The following MYO5B variants were observed in gnomAD, a reference collection of about 807,000 sequenced individuals.
MYO5B encodes the protein myosin VB, also known as unconventional myosin-Vb.
A neutral mutation model predicts 229.3 loss-of-function variants in MYO5B; 143 were observed. The observed-to-expected ratio is 0.62, with a 90% confidence interval of 0.54 to 0.72. MYO5B has a LOEUF of 0.72. MYO5B is among the 30% of genes least tolerant of loss of function. The pLI, the probability that MYO5B is intolerant of heterozygous loss-of-function variation, is 0.00. For synonymous variants in MYO5B, 918 were observed against 885.2 expected, an observed-to-expected ratio of 1.04 and a Z score of -0.66; for missense variants, 2,321 against 2,331.0, an observed-to-expected ratio of 1.00 and a Z score of 0.09.
At chr18:49,963,054 A>C in intron 10 of MYO5B, 24 bp from the exon 11 acceptor site, 1 of 1,596,200 alleles carries the variant, frequency 6.3e-7, no homozygotes, top group East Asian at 2.2e-5. Context: ...AGAGAAGATA[A>C]GAGACGTCTC....
chr18:49,871,787 C>A (rs1340074077), intron 27 of MYO5B: 1 of 313,402 alleles, frequency 3.2e-6, no homozygotes, highest in Non-Finnish European at 6.2e-6. Flanking sequence ...GTGCATTCCT[C>A]CCTGCCATGG....
chr18:49,841,603 G>GCACAC (rs2024058569), intron 34 of MYO5B, 149 bp from the exon 35 acceptor site: 1 of 733,826 alleles, frequency 1.4e-6, no homozygotes, highest in Non-Finnish European at 2.4e-6. Context: ...TCACGGGGTT[G>GCACAC]AGACCCATTG....
intron 1 of MYO5B, chr18:50,098,929 C>G (rs2031604760): frequency 6.5e-6 from 1 of 153,186 alleles, no homozygotes; most frequent in African/African-American, 2.4e-5. Context: ...CTGTCAACAC[C>G]CAGCCCCACT....
chr18:50,026,242 C>T (rs1320522237), intron 4 of MYO5B, among the ~76,000 whole-genome samples: 3 of 152,160 alleles, frequency 2.0e-5, no homozygotes, highest in African/African-American at 7.2e-5. Context: ...TGGCTATATA[C>T]AATCAAATAA....
chr18:49,868,805 T>C (rs1464363990), intron 27 of MYO5B, among the ~76,000 whole-genome samples: 1 of 152,208 alleles, frequency 6.6e-6, no homozygotes, highest in African/African-American at 2.4e-5. Context: ...CAGGAGTGAC[T>C]GGCCCTGAGA....
At chr18:50,008,430 G>A (rs1267282738) in intron 4 of MYO5B, among the ~76,000 whole-genome samples, 3 of 152,306 alleles carry the variant, frequency 2.0e-5, no homozygotes, top group South Asian at 2.1e-4. Context: ...AGTACCGGCT[G>A]AGCACACCAT....
chr18:50,089,198 T>C (rs555544213), intron 1 of MYO5B, among the ~76,000 whole-genome samples: 1 of 152,098 alleles, frequency 6.6e-6, no homozygotes, highest in Admixed American at 6.5e-5. Flanking sequence ...GCCAATATGG[T>C]GAAACCCCGT....
chr18:49,827,850 C>T (rs1315341065), intron 39 of MYO5B, among the ~76,000 whole-genome samples: 1 of 151,634 alleles, frequency 6.6e-6, no homozygotes, highest in Non-Finnish European at 1.5e-5. Context: ...AGGATAAAGG[C>T]AAAGAGATTC....
chr18:49,898,127 T>C (rs945109836), intron 21 of MYO5B, among the ~76,000 whole-genome samples: 1 of 152,322 alleles, frequency 6.6e-6, no homozygotes, highest in East Asian at 1.9e-4. Flanking sequence ...GGCTACACCA[T>C]CTAGGTTTGT....
At chr18:49,989,037 C>T (rs1162940782) in intron 7 of MYO5B, among the ~76,000 whole-genome samples, 1 of 152,296 alleles carries the variant, frequency 6.6e-6, no homozygotes, top group East Asian at 1.9e-4. Context: ...CCCTCCTCAG[C>T]TCTGCTTCCT....
intron 5 of MYO5B, among the ~76,000 whole-genome samples, chr18:49,994,334 C>T (rs967122812): frequency 6.6e-6 from 1 of 152,178 alleles, no homozygotes; most frequent in African/African-American, 2.4e-5. Context: ...GTAAATGAAC[C>T]TGGGTTTCAG....
chr18:50,119,429 T>A (rs2032021550), intron 1 of MYO5B, among the ~76,000 whole-genome samples: 1 of 152,198 alleles, frequency 6.6e-6, no homozygotes, highest in African/African-American at 2.4e-5. Flanking sequence ...TTTTTGTCTG[T>A]GGATTCAGAG....
chr18:49,921,206 T>C (rs867529544), intron 17 of MYO5B, among the ~76,000 whole-genome samples: 1 of 152,060 alleles, frequency 6.6e-6, no homozygotes, highest in Non-Finnish European at 1.5e-5. Context: ...AGTGCCACTT[T>C]TATGAAGTGA....
At chr18:49,953,626 T>A (rs1314586874) in intron 13 of MYO5B, among the ~76,000 whole-genome samples, 3 of 152,202 alleles carry the variant, frequency 2.0e-5, no homozygotes, top group Non-Finnish European at 4.4e-5. Context: ...TCACACCCAA[T>A]GAATCAATCT....
At position 50,169,477 on chromosome 18, in the gene MYO5B, G is replaced by A. The variant is rs1174989058; in HGVS notation, c.27+25290C>T. On this transcript the variant is annotated intron_variant, in intron 1 of 39. Coordinates refer to ENST00000285039, the MANE Select transcript of MYO5B (RefSeq NM_001080467.3). ...GACAAATTAGACATAACATGCCACC[G>A]CATGGGTTGCAATCATCATCACAGT... Among the ~76,000 whole-genome samples the A allele has an allele frequency of 5.5e-5, 7 of 126,980 alleles. 2 individuals carry two copies. The highest frequency in any genetic ancestry group is 1.0e-4 in the Non-Finnish European group (6 of 59,716). 83.3% of individuals were successfully genotyped at this position (126,980 alleles called of 152,430 possible).
intron 1 of MYO5B, among the ~76,000 whole-genome samples, chr18:50,072,244 A>G (rs536905711): frequency 0.013 from 1,960 of 152,088 alleles, 34 homozygotes; most frequent in African/African-American, 0.045. Flanking sequence ...AAAAAGAGAA[A>G]AAAAAAAAAC....
At chr18:49,928,041 A>G (rs1790775) in intron 17 of MYO5B, among the ~76,000 whole-genome samples, 130,582 of 151,400 alleles carry the variant, frequency 0.86, 56,477 homozygotes, top group East Asian at 0.95. Flanking sequence ...AAAGTAGCAC[A>G]GAAAAAAAAC....
intron 39 of MYO5B, among the ~76,000 whole-genome samples, chr18:49,831,811 T>C (rs1173891531): frequency 6.6e-6 from 1 of 152,228 alleles, no homozygotes; most frequent in East Asian, 1.9e-4. Flanking sequence ...ACAATGTTCA[T>C]AGCGGCATGA....
chr18:50,142,613 GA>G (rs1350323323), intron 1 of MYO5B, among the ~76,000 whole-genome samples: 1 of 152,198 alleles, frequency 6.6e-6, no homozygotes, highest in East Asian at 1.9e-4. Context: ...AATAGTTGCA[GA>G]ATTAATTGTT....
Sources: gnomAD v4.1 joint callset for allele counts (sites outside exome capture counted in the v4.1 genomes callset) on GRCh38, gnomAD v4.1.1 for gene constraint, MANE v1.5 for transcripts, NCBI Gene and HGNC (gene_info 2026-07-23, HGNC 2026-07-21) for gene names.